Variants in XYLT1 observed in about 807,000 individuals in gnomAD.
The protein encoded by XYLT1 is xylosyltransferase 1, also known as beta-D-xylosyltransferase 1.
XYLT1 carries 36 observed loss-of-function variants against 91.3 expected under a neutral mutation model. That is an observed-to-expected ratio of 0.39 (90% CI 0.30 to 0.52). The LOEUF is 0.52. Ranked by LOEUF, XYLT1 falls within the 20% of genes least tolerant of loss-of-function variation. The pLI is 0.68. For missense variants in XYLT1, 1,242 were observed against 1,284.5 expected (o/e 0.97, Z 0.51); for synonymous variants, 588 against 532.0 (o/e 1.11, Z -1.45).
At chr16:17,225,432 G>C (rs1428803286) in intron 3 of XYLT1, among the ~76,000 whole-genome samples, 2 of 152,144 alleles carry the variant, frequency 1.3e-5, no homozygotes, top group Admixed American at 6.5e-5. Context: ...GGCTTTCTGA[G>C]CATGAGCTCA....
At chr16:17,424,223 T>C (rs2036285182) in intron 1 of XYLT1, among the ~76,000 whole-genome samples, 1 of 152,210 alleles carries the variant, frequency 6.6e-6, no homozygotes, top group African/African-American at 2.4e-5. Flanking sequence ...CTTAGCTGTG[T>C]GATGTTAAGT....
intron 1 of XYLT1, among the ~76,000 whole-genome samples, chr16:17,381,385 C>CA (rs1453069617): frequency 1.4e-5 from 2 of 140,658 alleles, no homozygotes; most frequent in South Asian, 2.3e-4. Context: ...GCTATTCAAA[C>CA]AAAAAAGAAA....
At chr16:17,317,370 T>A (rs1301051304) in intron 2 of XYLT1, among the ~76,000 whole-genome samples, 1 of 151,886 alleles carries the variant, frequency 6.6e-6, no homozygotes, top group African/African-American at 2.4e-5. Context: ...CAGTGGCTCA[T>A]GCCTGTCATC....
chr16:17,129,506 T>A (rs1224627547), intron 9 of XYLT1, among the ~76,000 whole-genome samples: 1 of 152,156 alleles, frequency 6.6e-6, no homozygotes, highest in African/African-American at 2.4e-5. Context: ...CCTCAAGTGA[T>A]CCGCCCGCCT....
chr16:17,157,924 T>C (rs554688165), intron 6 of XYLT1, among the ~76,000 whole-genome samples: 199 of 152,296 alleles, frequency 1.3e-3, no homozygotes, highest in Non-Finnish European at 2.4e-3. Flanking sequence ...AATTTTTGTA[T>C]TTTTAGTAGA....
At chr16:17,323,394 G>A (rs1379339806) in intron 2 of XYLT1, among the ~76,000 whole-genome samples, 2 of 152,080 alleles carry the variant, frequency 1.3e-5, no homozygotes, top group Admixed American at 6.5e-5. Context: ...TTCCTAACTC[G>A]GGCAAAGCAG....
chr16:17,213,927 C>T (rs536864274), intron 3 of XYLT1, among the ~76,000 whole-genome samples: 138 of 152,210 alleles, frequency 9.1e-4, no homozygotes, highest in African/African-American at 3.1e-3. Context: ...ATTTGAGCAA[C>T]CTTTCAGAGG....
chr16:17,147,773 CCTTT>C (rs111657627), intron 6 of XYLT1, among the ~76,000 whole-genome samples: 28 of 152,240 alleles, frequency 1.8e-4, no homozygotes, highest in African/African-American at 6.3e-4. Flanking sequence ...TTTTTTCTTC[CCTTT>C]CTTTACCATA....
intron 1 of XYLT1, among the ~76,000 whole-genome samples, chr16:17,376,134 C>T (rs1375105413): frequency 1.3e-5 from 2 of 152,248 alleles, no homozygotes; most frequent in Non-Finnish European, 2.9e-5. Flanking sequence ...GACCTGGTGG[C>T]AGTGGTTCTC....
intron 1 of XYLT1, among the ~76,000 whole-genome samples, chr16:17,414,774 T>G (rs1252189923): frequency 6.6e-6 from 1 of 152,154 alleles, no homozygotes; most frequent in Non-Finnish European, 1.5e-5. Flanking sequence ...CCTCACTGTG[T>G]GTACCAGCGC....
At chr16:17,238,305 A>G (rs1255290496) in intron 3 of XYLT1, among the ~76,000 whole-genome samples, 2 of 152,226 alleles carry the variant, frequency 1.3e-5, no homozygotes, top group East Asian at 3.9e-4. Flanking sequence ...TCTTCTGTAA[A>G]GAGTTAGACT....
intron 2 of XYLT1, among the ~76,000 whole-genome samples, chr16:17,302,223 C>T (rs767137238): frequency 6.6e-6 from 1 of 151,896 alleles, no homozygotes; most frequent in African/African-American, 2.4e-5. Flanking sequence ...ACTACTACTA[C>T]TACTACTAAT....
Position 17,125,137 on chromosome 16 carries a change from T to C in XYLT1, c.2223+2529A>G, listed in dbSNP as rs190982055. 7.9e-4 allele frequency among the ~76,000 whole-genome samples: 121 copies of C among 152,316 alleles called. 1 individual carries two copies. The highest frequency in any genetic ancestry group is 6.8e-3 in the Middle Eastern group (2 of 292). ...ATCCATTGCTGGTGAGCTAGTGTGA[T>C]CTTTTGGGGATGTTAAAGCAAGCCA... On this transcript the variant is annotated intron_variant, in intron 10 of 11. Coordinates refer to ENST00000261381, the MANE Select transcript of XYLT1 (RefSeq NM_022166.4).
At chr16:17,262,823 T>C (rs571686558) in intron 2 of XYLT1, among the ~76,000 whole-genome samples, 4 of 152,046 alleles carry the variant, frequency 2.6e-5, no homozygotes, top group Admixed American at 6.6e-5. Flanking sequence ...TCACTGAGAT[T>C]TGGGGGATCT....
At chr16:17,368,825 C>T (rs191538729) in intron 1 of XYLT1, among the ~76,000 whole-genome samples, 1 of 152,140 alleles carries the variant, frequency 6.6e-6, no homozygotes, top group Non-Finnish European at 1.5e-5. Context: ...CTCAAGTGAT[C>T]CTACTGCCTT....
intron 2 of XYLT1, among the ~76,000 whole-genome samples, chr16:17,282,424 G>T (rs1301390240): frequency 6.6e-6 from 1 of 152,212 alleles, no homozygotes; most frequent in East Asian, 1.9e-4. Context: ...AGCATTTTTA[G>T]AAATTATTTC....
At chr16:17,123,522 T>G (rs1011150225) in intron 10 of XYLT1, among the ~76,000 whole-genome samples, 1 of 152,220 alleles carries the variant, frequency 6.6e-6, no homozygotes, top group African/African-American at 2.4e-5. Flanking sequence ...TTTATTCCAC[T>G]GTGGTCTGAG....
At chr16:17,138,269 G>C in intron 8 of XYLT1, 86 bp downstream of exon 8, 8 of 1,504,948 alleles carry the variant, frequency 5.3e-6, no homozygotes, top group Non-Finnish European at 7.2e-6. Flanking sequence ...GTGATAAGAT[G>C]ACCTGCAGGT....
intron 1 of XYLT1, among the ~76,000 whole-genome samples, chr16:17,430,936 C>T (rs997937508): frequency 2.6e-5 from 4 of 151,956 alleles, no homozygotes; most frequent in African/African-American, 7.3e-5. Flanking sequence ...TAGAATGACC[C>T]AAAATGTATA....
Sources: allele counts gnomAD v4.1 joint callset (sites outside exome capture counted in the v4.1 genomes callset), GRCh38; gene constraint gnomAD v4.1.1; transcripts MANE v1.5; gene names NCBI Gene and HGNC (gene_info 2026-07-23, HGNC 2026-07-21).